ZNF385D: variants seen among roughly 807,000 people sequenced by gnomAD.
ZNF385D encodes the protein zinc finger protein 385D.
In ZNF385D, 15 loss-of-function variants were observed where a neutral mutation model predicts 35.8. The ratio of observed to expected loss-of-function variants is 0.42; its 90% CI spans 0.28 to 0.64. The LOEUF is 0.64. ZNF385D is among the 30% of genes least tolerant of loss of function. The pLI, the probability that ZNF385D is intolerant of heterozygous loss-of-function variation, is 0.23. For missense variants in ZNF385D, 474 were observed against 494.6 expected, an observed-to-expected ratio of 0.96 and a Z score of 0.39; for synonymous variants, 212 against 186.8, an observed-to-expected ratio of 1.13 and a Z score of -1.10.
intron 3 of ZNF385D, among the ~76,000 whole-genome samples, chr3:21,980,363 G>A (rs1029271182): frequency 1.3e-5 from 2 of 152,160 alleles, no homozygotes; most frequent in African/African-American, 4.8e-5. Context: ...ATAAATTTTG[G>A]TTGTTTTAAG....
intron 3 of ZNF385D, among the ~76,000 whole-genome samples, chr3:22,037,429 T>C (rs909715014): frequency 2.6e-5 from 4 of 152,130 alleles, no homozygotes; most frequent in South Asian, 2.1e-4. Flanking sequence ...TGGTATCTCA[T>C]TGTGGTTTTG....
intron 3 of ZNF385D, among the ~76,000 whole-genome samples, chr3:21,818,197 G>A (rs1439632250): frequency 6.6e-6 from 1 of 152,048 alleles, no homozygotes; most frequent in East Asian, 1.9e-4. Context: ...TGGGGATGGG[G>A]GAGGGATAGC....
intron 3 of ZNF385D, among the ~76,000 whole-genome samples, chr3:21,793,541 C>A (rs1270656836): frequency 1.3e-5 from 2 of 152,170 alleles, no homozygotes; most frequent in African/African-American, 2.4e-5. Flanking sequence ...ATTTGAGGAG[C>A]ATTTCCATAG....
chr3:21,970,658 A>G (rs1044327775), intron 3 of ZNF385D, among the ~76,000 whole-genome samples: 5 of 152,096 alleles, frequency 3.3e-5, no homozygotes, highest in South Asian at 4.1e-4. Context: ...CAAAAACATA[A>G]TAATAGAGAA....
chr3:21,990,736 T>C (rs1695102717), intron 3 of ZNF385D, among the ~76,000 whole-genome samples: 1 of 152,240 alleles, frequency 6.6e-6, no homozygotes, highest in Admixed American at 6.5e-5. Context: ...TCAGCCTGTT[T>C]CTACAACATC....
upstream of ZNF385D, among the ~76,000 whole-genome samples, chr3:21,752,269 C>T (rs1374938810): frequency 2.6e-5 from 4 of 151,956 alleles, no homozygotes; most frequent in East Asian, 1.9e-4. Flanking sequence ...AACCAATTTA[C>T]GTACTGGAAC....
At position 22,158,527 on chromosome 3, in the gene ZNF385D, C is replaced by A. The variant is rs182505798; in HGVS notation, c.325+10290G>T. Reference sequence around the variant, plus strand: ...TTTCAAGTTTCTTACAAAATACTATCGCAATTTTGGAAGCAAGGAAAGAGA... The same window carrying A: ...TTTCAAGTTTCTTACAAAATACTATAGCAATTTTGGAAGCAAGGAAAGAGA... On this transcript the variant is annotated intron_variant, in intron 3 of 5. Transcript: ENST00000494108. 5.3e-5 allele frequency among the ~76,000 whole-genome samples: 8 copies of A among 152,046 alleles called. No individual in the cohort carries two copies. In the South Asian group the frequency reaches 8.3e-4, roughly 16 times the overall value.
intron 2 of ZNF385D, among the ~76,000 whole-genome samples, chr3:22,221,822 G>C (rs1455322166): frequency 6.6e-6 from 1 of 152,074 alleles, no homozygotes; most frequent in Admixed American, 6.6e-5. Flanking sequence ...GTTAAGTTTT[G>C]TCTCCTTTAT....
At chr3:22,368,305 C>T (rs1696746810) in intron 2 of ZNF385D, among the ~76,000 whole-genome samples, 1 of 152,166 alleles carries the variant, frequency 6.6e-6, no homozygotes, top group South Asian at 2.1e-4. Flanking sequence ...AATCTAGGCA[C>T]ACTACTAGAA....
At chr3:22,140,837 G>T (rs1013425792) in intron 3 of ZNF385D, among the ~76,000 whole-genome samples, 13 of 152,190 alleles carry the variant, frequency 8.5e-5, no homozygotes, top group Admixed American at 1.3e-4. Context: ...GCAGGGCAAG[G>T]TTGTCCTAGA....
At chr3:21,663,229 C>T (rs1463559480) in intron 2 of ZNF385D, among the ~76,000 whole-genome samples, 1 of 152,134 alleles carries the variant, frequency 6.6e-6, no homozygotes, top group Non-Finnish European at 1.5e-5. Context: ...AAGAGATTTG[C>T]TCAGGATCAT....
At chr3:22,181,012 T>G (rs2125778995) in intron 2 of ZNF385D, among the ~76,000 whole-genome samples, 1 of 151,598 alleles carries the variant, frequency 6.6e-6, no homozygotes, top group African/African-American at 2.4e-5. Context: ...TGATTCTGTC[T>G]TCTTAAAATA....
intron 3 of ZNF385D, among the ~76,000 whole-genome samples, chr3:21,931,930 G>C (rs1701027720): frequency 6.6e-6 from 1 of 151,920 alleles, no homozygotes; most frequent in Admixed American, 6.6e-5. Context: ...GGGATGCCAA[G>C]GTAGGCAGAT....
chr3:21,927,928 A>G (rs964333586), intron 3 of ZNF385D, among the ~76,000 whole-genome samples: 1 of 152,202 alleles, frequency 6.6e-6, no homozygotes, highest in South Asian at 2.1e-4. Flanking sequence ...GAGATAGAAT[A>G]CTGAAATCAC....
At position 21,950,038 on chromosome 3, in the gene ZNF385D, G is replaced by T. The variant is rs180706987; in HGVS notation, c.325+218779C>A. 3.1e-3 allele frequency among the ~76,000 whole-genome samples: 473 copies of T among 152,226 alleles called. 2 individuals carry two copies. Among genetic ancestry groups the T allele is most frequent in the Non-Finnish European group, 4.9e-3 (335 of 68,024 alleles). On this transcript the variant is annotated intron_variant, in intron 3 of 5. Transcript: ENST00000494108. ...ACATATGTGTGCACATGTCTTTATA[G>T]TAGAATGATTTATAATCCTTTGGGT...
chr3:22,224,212 AT>A (rs1473493596), intron 2 of ZNF385D, among the ~76,000 whole-genome samples: 2 of 152,210 alleles, frequency 1.3e-5, no homozygotes, highest in African/African-American at 4.8e-5. Context: ...TAGATTTCAG[AT>A]GAAGAAAGTG....
At chr3:22,037,319 G>T (rs1698388865) in intron 3 of ZNF385D, among the ~76,000 whole-genome samples, 1 of 147,192 alleles carries the variant, frequency 6.8e-6, no homozygotes, top group Non-Finnish European at 1.5e-5. Flanking sequence ...CTAGTTTACA[G>T]TCCCACCAAC....
chr3:22,322,532 T>A (rs1694488925), intron 2 of ZNF385D, among the ~76,000 whole-genome samples: 1 of 152,176 alleles, frequency 6.6e-6, no homozygotes, highest in Non-Finnish European at 1.5e-5. Flanking sequence ...ATTTTACCAG[T>A]CTATCCCAAT....
chr3:22,251,911 G>A lies in ZNF385D; in HGVS notation c.107-82876C>T, dbSNP rs150317636. Among the ~76,000 whole-genome samples the A allele has an allele frequency of 8.5e-5, 13 of 152,120 alleles. No individual in the cohort carries two copies. The East Asian group carries it at 1.9e-3, about 23-fold the overall frequency. On this transcript the variant is annotated intron_variant, in intron 2 of 5. Transcript: ENST00000494108. The stretch of plus-strand genomic sequence containing the variant: ...CCCTCTTTTGTAAAATAAGGTTTGG[G>A]CGACCTACCTCACAGGACTCTGACC...
Sources: gnomAD v4.1 joint callset for allele counts (sites outside exome capture counted in the v4.1 genomes callset) on GRCh38, gnomAD v4.1.1 for gene constraint, MANE v1.5 for transcripts, NCBI Gene and HGNC (gene_info 2026-07-23, HGNC 2026-07-21) for gene names.